The following MTMR8 variants were observed in gnomAD, a reference collection of about 807,000 sequenced individuals.
MTMR8 encodes the protein myotubularin related protein 8.
A neutral mutation model predicts 39.3 loss-of-function variants in MTMR8; 65 were observed. The observed-to-expected ratio is 1.65, with a 90% confidence interval of 1.35 to 2.03. The LOEUF is 2.03. Ranked by LOEUF, MTMR8 falls within the 30% of genes most tolerant of loss-of-function variation. The probability of loss-of-function intolerance (pLI) is 0.00; values close to 1 mark genes in which losing one functional copy is unlikely to be tolerated. For missense variants in MTMR8, 777 were observed against 538.9 expected, an observed-to-expected ratio of 1.44 and a Z score of -4.37; for synonymous variants, 245 against 185.2, an observed-to-expected ratio of 1.32 and a Z score of -2.62.
intron 12 of MTMR8, among the ~76,000 whole-genome samples, chrX:64,296,670 G>T (rs1480422886): frequency 9.5e-6 from 1 of 105,521 alleles, no homozygotes; most frequent in African/African-American, 3.5e-5. Context: ...ATGCTGGTGC[G>T]CTACACCCAC....
At chrX:64,363,376 C>T (rs1923849994) in intron 1 of MTMR8, among the ~76,000 whole-genome samples, 1 of 111,362 alleles carries the variant, frequency 9.0e-6, no homozygotes, top group Non-Finnish European at 1.9e-5. Flanking sequence ...TCCTTTCATG[C>T]TGTCCTCATG....
At chrX:64,369,892 TA>T (rs1480355922) in intron 1 of MTMR8, among the ~76,000 whole-genome samples, 1 of 111,342 alleles carries the variant, frequency 9.0e-6, no homozygotes, top group Non-Finnish European at 1.9e-5. Context: ...TACAGCAATA[TA>T]AATATGACAG....
intron 12 of MTMR8, among the ~76,000 whole-genome samples, chrX:64,277,469 G>C (rs1325270492): frequency 9.0e-6 from 1 of 111,730 alleles, no homozygotes; most frequent in African/African-American, 3.3e-5. Flanking sequence ...GCATTTGCTT[G>C]TCTGTAAAGG....
intron 12 of MTMR8, among the ~76,000 whole-genome samples, chrX:64,316,393 T>A: frequency 8.9e-6 from 1 of 112,263 alleles, no homozygotes; most frequent in Non-Finnish European, 1.9e-5. Context: ...ACACCTGTAA[T>A]ACCAGTACTT....
At chrX:64,275,448 C>T (rs1323294724) in intron 12 of MTMR8, among the ~76,000 whole-genome samples, 1 of 109,423 alleles carries the variant, frequency 9.1e-6, no homozygotes, top group East Asian at 2.9e-4. Flanking sequence ...ATAATCCCAG[C>T]ACCTTGGGAG....
At chrX:64,377,000 C>A (rs1924289882) in intron 1 of MTMR8, among the ~76,000 whole-genome samples, 1 of 111,956 alleles carries the variant, frequency 8.9e-6, no homozygotes, top group African/African-American at 3.2e-5. Context: ...GATGCTGCTC[C>A]AGAGAGTGCA....
chrX:64,340,059 G>T (rs1211804908), intron 8 of MTMR8, among the ~76,000 whole-genome samples: 1 of 111,679 alleles, frequency 9.0e-6, no homozygotes, highest in African/African-American at 3.3e-5. Flanking sequence ...TCTATTTGCA[G>T]CAATGCTTAG....
intron 12 of MTMR8, among the ~76,000 whole-genome samples, chrX:64,287,913 C>T (rs1416005643): frequency 9.9e-6 from 1 of 100,775 alleles, no homozygotes; most frequent in Non-Finnish European, 2.0e-5. Context: ...TGGGCAAGGA[C>T]TTGATGTCTA....
intron 12 of MTMR8, among the ~76,000 whole-genome samples, chrX:64,301,431 C>T (rs1418926492): frequency 1.9e-5 from 2 of 105,247 alleles, no homozygotes; most frequent in East Asian, 6.1e-4. Context: ...GCTCCATCAG[C>T]TCCTTTAAGC....
chrX:64,367,119 G>A (rs1198370498), intron 1 of MTMR8, among the ~76,000 whole-genome samples: 1 of 111,095 alleles, frequency 9.0e-6, no homozygotes, highest in Non-Finnish European at 1.9e-5. Context: ...ATAATTAATA[G>A]CCTATCAACC....
rs1931688788 is a variant in MTMR8 at position 64,268,770 on chromosome X, C to T, written c.1882G>A (p.Val628Met). 1 of 1,209,943 alleles carries T rather than the reference C, an allele frequency of 8.3e-7. No individual in the cohort carries two copies. The highest frequency in any genetic ancestry group is 1.1e-6 in the Non-Finnish European group (1 of 895,294). The change falls in exon 14 of 14, where the codon GTG (valine) becomes ATG (methionine). Residue 628 changes from valine (V) to methionine (M), a missense_variant. By Grantham distance (21) the Val-to-Met change is conservative (BLOSUM62 1). Coordinates refer to ENST00000374852, the MANE Select transcript of MTMR8 (RefSeq NM_017677.4). ...SLRAINISGD[V>M]GISEAMGISG... Reference sequence around the variant, plus strand: ...ATGCCCATGGCCTCAGAGATGCCCACATCCCCAGAGATATTTATGGCCCTA... The same window carrying T: ...ATGCCCATGGCCTCAGAGATGCCCATATCCCCAGAGATATTTATGGCCCTA...
chrX:64,345,876 C>T (rs1317337730), intron 6 of MTMR8, among the ~76,000 whole-genome samples: 3 of 112,429 alleles, frequency 2.7e-5, no homozygotes, highest in Non-Finnish European at 5.6e-5. Context: ...GCCTTGGCTT[C>T]CCAAAGTGCT....
rs1310883231 is a variant in MTMR8 at position 64,268,672 on chromosome X, G to T, written c.1980C>A (p.Ile660=). The part of the protein sequence containing the change: ...KDLGICGAMD[I]SEATGISGNL... ...TTCCAGAGATGCCAGTGGCCTCAGA[G>T]ATGTCCATGGCCCCACAGATTCCTA... The change falls in exon 14 of 14, where the codon ATC becomes ATA. Residue 660 remains isoleucine, a synonymous_variant. Transcript: ENST00000374852. 5 of 1,211,598 alleles carry T rather than the reference G, an allele frequency of 4.1e-6. No individual in the cohort carries two copies. The highest frequency in any genetic ancestry group is 5.6e-6 in the Non-Finnish European group (5 of 895,523).
intron 12 of MTMR8, chrX:64,306,362 A>G: frequency 4.2e-6 from 1 of 236,687 alleles, no homozygotes; most frequent in Non-Finnish European, 8.6e-6. Flanking sequence ...ACTGTAAAGC[A>G]TTGTCATCTC....
intron 12 of MTMR8, among the ~76,000 whole-genome samples, chrX:64,311,411 T>C (rs1045364423): frequency 3.6e-5 from 4 of 111,336 alleles, no homozygotes; most frequent in African/African-American, 1.3e-4. Flanking sequence ...GTCAGATGGG[T>C]AGATTGCAAA....
At chrX:64,317,983 A>G (rs756861146) in intron 12 of MTMR8, among the ~76,000 whole-genome samples, 1 of 112,296 alleles carries the variant, frequency 8.9e-6, no homozygotes, top group Non-Finnish European at 1.9e-5. Flanking sequence ...AAAGTGGCTC[A>G]TTGCTTTTCC....
intron 12 of MTMR8, among the ~76,000 whole-genome samples, chrX:64,311,856 G>T (rs1209914194): frequency 9.6e-6 from 1 of 104,250 alleles, no homozygotes; most frequent in Non-Finnish European, 1.9e-5. Context: ...CGGTTCCATT[G>T]GTTTATATAT....
intron 1 of MTMR8, among the ~76,000 whole-genome samples, chrX:64,384,608 A>T (rs1924512934): frequency 8.9e-6 from 1 of 112,580 alleles, no homozygotes; most frequent in South Asian, 3.6e-4. Context: ...TGTGGAAGCC[A>T]CCAAGGCTTA....
chrX:64,319,860 T>C (rs1291484055), intron 12 of MTMR8, among the ~76,000 whole-genome samples: 1 of 111,511 alleles, frequency 9.0e-6, no homozygotes, highest in Non-Finnish European at 1.9e-5. Context: ...TTTGTTCTTT[T>C]GGCTTGGGAT....
Sources: allele counts gnomAD v4.1 joint callset (sites outside exome capture counted in the v4.1 genomes callset), GRCh38; gene constraint gnomAD v4.1.1; transcripts MANE v1.5; gene names NCBI Gene and HGNC (gene_info 2026-07-23, HGNC 2026-07-21).